Variants in UBE2Q2 observed in about 807,000 individuals in gnomAD.
UBE2Q2 encodes the protein ubiquitin conjugating enzyme E2 Q2, also known as ubiquitin-conjugating enzyme E2 Q2.
A neutral mutation model predicts 59.9 loss-of-function variants in UBE2Q2; 54 were observed. That is an observed-to-expected ratio of 0.90 (90% CI 0.72 to 1.13). UBE2Q2 has a LOEUF of 1.13. Among genes scored for constraint, UBE2Q2 ranks in the 50% most tolerant of loss-of-function variants. The probability of loss-of-function intolerance (pLI) is 0.00; values close to 1 mark genes in which losing one functional copy is unlikely to be tolerated. For missense variants in UBE2Q2, 433 were observed against 441.9 expected (o/e 0.98, Z 0.18); for synonymous variants, 165 against 155.2 (o/e 1.06, Z -0.47).
intron 3 of UBE2Q2, 33 bp from the exon 4 acceptor site, chr15:75,868,918 G>T (rs371190207): frequency 1.2e-6 from 2 of 1,608,236 alleles, no homozygotes; most frequent in Non-Finnish European, 1.7e-6. Context: ...TATTTGTTCT[G>T]TATAGCCCTG....
At chr15:75,872,290 C>T (rs1897837178) in intron 4 of UBE2Q2, among the ~76,000 whole-genome samples, 1 of 151,218 alleles carries the variant, frequency 6.6e-6, no homozygotes, top group Non-Finnish European at 1.5e-5. Flanking sequence ...AGTGATTAAC[C>T]TGGTCTAGAA....
chr15:75,890,871 G>T, intron 10 of UBE2Q2, 48 bp from the exon 11 acceptor site: 1 of 1,534,384 alleles, frequency 6.5e-7, no homozygotes, highest in Non-Finnish European at 9.0e-7. Flanking sequence ...TTCCCAAGTG[G>T]GAATCAGAAA....
chr15:75,867,414 A>G (rs1324818293), intron 3 of UBE2Q2, among the ~76,000 whole-genome samples: 1 of 152,112 alleles, frequency 6.6e-6, no homozygotes, highest in East Asian at 1.9e-4. Flanking sequence ...GTCTGATTCC[A>G]TCTCCTTTGT....
intron 4 of UBE2Q2, among the ~76,000 whole-genome samples, chr15:75,871,026 T>C (rs1329618990): frequency 6.6e-6 from 1 of 152,188 alleles, no homozygotes; most frequent in African/African-American, 2.4e-5. Flanking sequence ...CCTTAGTATT[T>C]ATTGATCATT....
At chr15:75,871,688 G>A (rs1461390785) in intron 4 of UBE2Q2, among the ~76,000 whole-genome samples, 4 of 152,178 alleles carry the variant, frequency 2.6e-5, no homozygotes, top group African/African-American at 9.7e-5. Context: ...GCATGGGGTT[G>A]GGGGTAAGGT....
chr15:75,864,557 G>T (rs1420404865), intron 3 of UBE2Q2, among the ~76,000 whole-genome samples: 2 of 146,672 alleles, frequency 1.4e-5, no homozygotes, highest in African/African-American at 5.1e-5. Flanking sequence ...CTTTTTCTAT[G>T]TATCGGTCTC....
At chr15:75,867,461 G>A (rs1258582479) in intron 3 of UBE2Q2, among the ~76,000 whole-genome samples, 2 of 152,132 alleles carry the variant, frequency 1.3e-5, no homozygotes, top group African/African-American at 4.8e-5. Flanking sequence ...AGTTCACTAA[G>A]GGTATTCTCC....
chr15:75,867,425 A>G (rs1897557086), intron 3 of UBE2Q2, among the ~76,000 whole-genome samples: 3 of 152,128 alleles, frequency 2.0e-5, no homozygotes, highest in South Asian at 4.1e-4. Context: ...TCTCCTTTGT[A>G]TCTTCCAGCA....
rs575122535 is a variant in UBE2Q2 at position 75,847,507 on chromosome 15, A to AG, written c.180+3661_180+3662insG. On this transcript the variant is annotated intron_variant, in intron 1 of 12. Transcript: ENST00000267938. ...GAAGGGAAAAGAGTGCTCTTTTTCAACCTCGAGTCCTTTTTATTCTTTTCT... is the reference window on the plus strand; with the variant it reads ...GAAGGGAAAAGAGTGCTCTTTTTCAAGCCTCGAGTCCTTTTTATTCTTTTCT... Among the ~76,000 whole-genome samples, 377 of 152,238 alleles carry AG rather than the reference A, an allele frequency of 2.5e-3. 3 individuals are homozygous for AG. Among genetic ancestry groups the AG allele is most frequent in the African/African-American group, 8.7e-3 (361 of 41,554 alleles).
At chr15:75,878,166 G>T (rs1595885775) in intron 7 of UBE2Q2, 145 bp downstream of exon 7, 4 of 621,296 alleles carry the variant, frequency 6.4e-6, no homozygotes, top group East Asian at 3.0e-5. Context: ...TTCTTAGATT[G>T]TTTAAATGAG....
intron 4 of UBE2Q2, 87 bp downstream of exon 4, chr15:75,869,097 A>AT (rs1009882786): frequency 3.6e-6 from 4 of 1,100,120 alleles, no homozygotes; most frequent in Non-Finnish European, 5.3e-6. Context: ...ATAGACTACT[A>AT]TTAATGTGGA....
At chr15:75,874,228 T>A (rs1473846594) in intron 5 of UBE2Q2, among the ~76,000 whole-genome samples, 1 of 152,178 alleles carries the variant, frequency 6.6e-6, no homozygotes, top group Non-Finnish European at 1.5e-5. Flanking sequence ...TGAAGCTGAC[T>A]TTGGTCTGTC....
rs1212973697 is a variant in UBE2Q2 at position 75,894,310 on chromosome 15, A to G, written c.1030-2685A>G. 2.6e-5 allele frequency among the ~76,000 whole-genome samples: 4 copies of G among 152,284 alleles called. 1 individual carries two copies. The South Asian group carries it at 6.2e-4, about 24-fold the overall frequency. On this transcript the variant is annotated intron_variant, in intron 11 of 12. Transcript: ENST00000267938. The stretch of plus-strand genomic sequence containing the variant: ...AGGCCAGGGACAGTGGCTTACTCCT[A>G]TAATCCTAGCACTTTGGTAGGCTGA...
intron 1 of UBE2Q2, 178 bp downstream of exon 1, chr15:75,844,024 G>C: frequency 1.4e-6 from 2 of 1,409,714 alleles, no homozygotes; most frequent in Non-Finnish European, 9.2e-7. Flanking sequence ...GCGAGGCTTG[G>C]GTGGGAGGAG....
At chr15:75,853,412 A>T (rs1896735461) in intron 1 of UBE2Q2, among the ~76,000 whole-genome samples, 1 of 150,986 alleles carries the variant, frequency 6.6e-6, no homozygotes, top group Admixed American at 6.6e-5. Flanking sequence ...CGGAGGTTGC[A>T]GTGAGCCGAG....
intron 3 of UBE2Q2, among the ~76,000 whole-genome samples, chr15:75,868,321 C>G (rs1004077499): frequency 1.3e-5 from 2 of 152,180 alleles, no homozygotes; most frequent in Admixed American, 1.3e-4. Flanking sequence ...AAAACCCCAT[C>G]AAATTCATTT....
chr15:75,872,052 A>G (rs534654926), intron 4 of UBE2Q2, among the ~76,000 whole-genome samples: 46 of 152,246 alleles, frequency 3.0e-4, no homozygotes, highest in African/African-American at 9.1e-4. Flanking sequence ...AGGTGCACAC[A>G]GGGAGAAGGG....
intron 1 of UBE2Q2, chr15:75,844,650 A>G (rs1896230505): frequency 2.9e-6 from 2 of 688,318 alleles, no homozygotes; most frequent in Admixed American, 6.0e-5. Context: ...AAATCTCATT[A>G]GAAACCCAAG....
intron 1 of UBE2Q2, among the ~76,000 whole-genome samples, chr15:75,845,919 T>C (rs1445187938): frequency 6.6e-6 from 1 of 152,158 alleles, no homozygotes; most frequent in Non-Finnish European, 1.5e-5. Flanking sequence ...ACAAGGAGGA[T>C]TTAGTGAGGA....
Sources: allele counts gnomAD v4.1 joint callset (sites outside exome capture counted in the v4.1 genomes callset), GRCh38; gene constraint gnomAD v4.1.1; transcripts MANE v1.5; gene names NCBI Gene and HGNC (gene_info 2026-07-23, HGNC 2026-07-21).